Variants in PSD3 observed in about 807,000 individuals in gnomAD.
The protein encoded by PSD3 is PH and SEC7 domain-containing protein 3.
PSD3 carries 49 observed loss-of-function variants against 105.5 expected under a neutral mutation model. The ratio of observed to expected loss-of-function variants is 0.46; its 90% CI spans 0.37 to 0.59. PSD3 has a LOEUF of 0.59. Ranked by LOEUF, PSD3 falls within the 20% of genes least tolerant of loss-of-function variation. The pLI, the probability that PSD3 is intolerant of heterozygous loss-of-function variation, is 0.00. For synonymous variants in PSD3, 557 were observed against 457.8 expected (o/e 1.22, Z -2.77); for missense variants, 1,561 against 1,263.8 (o/e 1.24, Z -3.57).
rs73199960 is a variant in PSD3, at chr8:18,755,487, A to C, written c.2172+9962T>G. Among the ~76,000 whole-genome samples, 293 of 80,818 alleles carry C rather than the reference A, an allele frequency of 3.6e-3. 2 individuals are homozygous for C. Among genetic ancestry groups the C allele is most frequent in the African/African-American group, 0.012 (276 of 22,576 alleles). 53.0% of individuals were successfully genotyped at this position (80,818 alleles called of 152,430 possible). A position where few individuals can be genotyped will look rare whatever the true frequency, so the allele number is the denominator to read the frequency against. On this transcript the variant is annotated intron_variant, in intron 9 of 15. Coordinates refer to ENST00000327040, the MANE Select transcript of PSD3 (RefSeq NM_015310.4). ...CATAACATAACATAACATAACATAA[A>C]AATGCTCCAAACATACAAACATTCA...
intron 9 of PSD3, among the ~76,000 whole-genome samples, chr8:18,754,828 G>T (rs1292661527): frequency 1.3e-5 from 2 of 151,744 alleles, no homozygotes; most frequent in African/African-American, 4.8e-5. Context: ...TTCCTTTATG[G>T]GATATTTTGA....
At chr8:18,541,157 GA>G (rs5889803) in intron 15 of PSD3, among the ~76,000 whole-genome samples, 3,304 of 139,302 alleles carry the variant, frequency 0.024, 52 homozygotes, top group African/African-American at 0.029. Context: ...TATTTTACTT[GA>G]AAAAAAAAAA....
At chr8:18,587,162 G>C (rs10092445) in intron 12 of PSD3, among the ~76,000 whole-genome samples, 3,361 of 152,234 alleles carry the variant, frequency 0.022, 127 homozygotes, top group African/African-American at 0.078. Flanking sequence ...CATCCTAAGA[G>C]CACAGAGCGG....
chr8:18,956,828 A>G (rs1823599276), intron 1 of PSD3, among the ~76,000 whole-genome samples: 1 of 152,004 alleles, frequency 6.6e-6, no homozygotes, highest in Admixed American at 6.6e-5. Flanking sequence ...TGGCCTCCCT[A>G]CCCCTAATCT....
At chr8:18,625,972 G>C (rs1327566522) in intron 11 of PSD3, among the ~76,000 whole-genome samples, 1 of 152,000 alleles carries the variant, frequency 6.6e-6, no homozygotes, top group African/African-American at 2.4e-5. Flanking sequence ...ATCATATTGA[G>C]AAAACTAAGA....
intron 9 of PSD3, among the ~76,000 whole-genome samples, chr8:18,709,277 C>T (rs984138230): frequency 2.0e-5 from 3 of 152,186 alleles, no homozygotes; most frequent in African/African-American, 7.2e-5. Context: ...CATCCCTCCT[C>T]ACTGGGCAGG....
intron 8 of PSD3, among the ~76,000 whole-genome samples, chr8:18,788,519 A>C (rs1046887776): frequency 6.6e-6 from 1 of 152,224 alleles, no homozygotes; most frequent in South Asian, 2.1e-4. Flanking sequence ...TCAATCAGGT[A>C]TTCACTAGGA....
At chr8:18,800,837 G>C (rs953008004) in intron 7 of PSD3, among the ~76,000 whole-genome samples, 2 of 152,106 alleles carry the variant, frequency 1.3e-5, no homozygotes, top group Non-Finnish European at 2.9e-5. Flanking sequence ...GGATACATGA[G>C]CTTTCATCAA....
chr8:19,028,127 A>C (rs968832386), intron 1 of PSD3, among the ~76,000 whole-genome samples: 3 of 152,194 alleles, frequency 2.0e-5, no homozygotes, highest in African/African-American at 7.2e-5. Flanking sequence ...TTTTAAAAAA[A>C]CATTTAGCTT....
At chr8:18,744,661 C>G (rs938412020) in intron 9 of PSD3, among the ~76,000 whole-genome samples, 1 of 152,198 alleles carries the variant, frequency 6.6e-6, no homozygotes, top group Non-Finnish European at 1.5e-5. Context: ...TGTAAATCCT[C>G]CACCCAGTCT....
intron 9 of PSD3, among the ~76,000 whole-genome samples, chr8:18,752,535 T>TATTTTATATATTATATATA (rs1805617369): frequency 1.8e-4 from 4 of 22,406 alleles, no homozygotes; most frequent in African/African-American, 9.0e-4. Context: ...TATAATTATA[T>TATTTTATATATTATATATA]ATTATATATA....
chr8:18,887,829 T>C (rs1281601129), intron 2 of PSD3, among the ~76,000 whole-genome samples: 1 of 152,162 alleles, frequency 6.6e-6, no homozygotes, highest in Non-Finnish European at 1.5e-5. Context: ...TAAGTAATAA[T>C]ATAAGCAGGA....
intron 4 of PSD3, among the ~76,000 whole-genome samples, chr8:18,821,484 G>C (rs1812698854): frequency 6.6e-6 from 1 of 151,988 alleles, no homozygotes; most frequent in Non-Finnish European, 1.5e-5. Context: ...AAATTTGCGT[G>C]AATTAGTTAA....
chr8:18,968,194 A>G (rs1056730667), intron 1 of PSD3, among the ~76,000 whole-genome samples: 2 of 152,210 alleles, frequency 1.3e-5, no homozygotes, highest in African/African-American at 2.4e-5. Flanking sequence ...ACTGGCTTCA[A>G]TTAAGAAAAC....
intron 6 of PSD3, among the ~76,000 whole-genome samples, chr8:18,803,753 G>C (rs1810944103): frequency 6.6e-6 from 1 of 151,704 alleles, no homozygotes; most frequent in South Asian, 2.1e-4. Flanking sequence ...GTAGAATAGT[G>C]TTTGCCAGGG....
intron 2 of PSD3, among the ~76,000 whole-genome samples, chr8:18,934,503 C>T (rs746680122): frequency 1.3e-5 from 2 of 152,060 alleles, no homozygotes; most frequent in African/African-American, 2.4e-5. Flanking sequence ...CTCTGCCTCT[C>T]GGGTTCATGC....
chr8:18,868,021 A>G lies in PSD3; in HGVS notation c.1287T>C (p.Leu429=). ...EHVKGEDEDI[L]GPGYTEDSTD... The stretch of plus-strand genomic sequence containing the variant: ...TGGAGTCCTCCGTATATCCAGGCCC[A>G]AGGATGTCTTCATCTTCCCCCTTAA... The change falls in exon 4 of 16, where the codon CTT becomes CTC. Residue 429 remains leucine (L), a synonymous_variant. Coordinates refer to ENST00000327040, the MANE Select transcript of PSD3 (RefSeq NM_015310.4). 1 of 1,613,682 alleles carries G rather than the reference A, an allele frequency of 6.2e-7. No homozygotes were observed. Among genetic ancestry groups the G allele is most frequent in the South Asian group, 1.1e-5 (1 of 90,932 alleles).
At chr8:18,588,482 G>C (rs1270965240) in intron 12 of PSD3, among the ~76,000 whole-genome samples, 2 of 152,212 alleles carry the variant, frequency 1.3e-5, no homozygotes, top group Non-Finnish European at 2.9e-5. Flanking sequence ...CTCATTGTAA[G>C]TAGATAGTTT....
chr8:19,012,838 C>A (rs1827016768), intron 1 of PSD3, among the ~76,000 whole-genome samples: 1 of 152,170 alleles, frequency 6.6e-6, no homozygotes, highest in Non-Finnish European at 1.5e-5. Flanking sequence ...TCCTGGATCC[C>A]GCTATCGGGA....
Sources: gnomAD v4.1 joint callset for allele counts (sites outside exome capture counted in the v4.1 genomes callset) on GRCh38, gnomAD v4.1.1 for gene constraint, MANE v1.5 for transcripts, NCBI Gene and HGNC (gene_info 2026-07-23, HGNC 2026-07-21) for gene names.